The following ZNF875 variants were observed in gnomAD, a reference collection of about 807,000 sequenced individuals.
ZNF875 encodes the protein zinc finger protein 875.
In ZNF875, 14 loss-of-function variants were observed where a neutral mutation model predicts 11.2. That is an observed-to-expected ratio of 1.26 (90% confidence interval 0.83 to 1.96). ZNF875 has a LOEUF of 1.96. Ranked by LOEUF, ZNF875 falls within the 30% of genes most tolerant of loss-of-function variation. The pLI is 0.00. For missense variants in ZNF875, 752 were observed against 760.4 expected (o/e 0.99, Z 0.13); for synonymous variants, 301 against 281.1 (o/e 1.07, Z -0.71).
intron 3 of ZNF875, chr19:37,323,639 T>A (rs1308006865): frequency 1.3e-5 from 2 of 152,194 alleles, no homozygotes; most frequent in African/African-American, 4.8e-5. Context: ...GGTTTTGGGC[T>A]GCACGAGAGT....
intron 4 of ZNF875, among the ~76,000 whole-genome samples, chr19:37,353,987 T>C (rs1346343630): frequency 6.6e-6 from 1 of 152,138 alleles, no homozygotes; most frequent in Non-Finnish European, 1.5e-5. Context: ...TTTCCTCTCA[T>C]TCTAGGACTC....
At chr19:37,349,681 G>A (rs1377884557) in intron 4 of ZNF875, among the ~76,000 whole-genome samples, 3 of 151,952 alleles carry the variant, frequency 2.0e-5, no homozygotes, top group Non-Finnish European at 4.4e-5. Flanking sequence ...TTGAGATGGA[G>A]TCTTGCTCTG....
chr19:37,349,142 C>G (rs1265757177), intron 4 of ZNF875, among the ~76,000 whole-genome samples: 2 of 152,224 alleles, frequency 1.3e-5, no homozygotes, highest in East Asian at 1.9e-4. Context: ...GTGTGTGTGT[C>G]TCTGTGTCCA....
rs945511677 is a variant in ZNF875 at position 37,364,178 on chromosome 19, CGATT to C, written c.*407_*410del. On this transcript the variant is annotated 3_prime_UTR_variant, in exon 5 of 5. Coordinates refer to ENST00000392153, the MANE Select transcript of ZNF875 (RefSeq NM_001353803.2). ...TCTTCCCATTTGGTGTGCTTTCCTCCGATTGATCCCAACCCTTCACCTATTTTAC... is the reference window on the plus strand; with the variant it reads ...TCTTCCCATTTGGTGTGCTTTCCTCCGATCCCAACCCTTCACCTATTTTAC... The C allele has an allele frequency of 9.1e-5, 18 of 196,732 alleles. No homozygotes were observed. Among genetic ancestry groups the C allele is most frequent in the African/African-American group, 3.7e-4 (16 of 42,670 alleles). The allele number at this position is 196,732 out of a possible 1,614,324, so 12.2% of individuals were successfully genotyped here.
upstream of ZNF875, chr19:37,334,642 CAG>C (rs754505037): frequency 6.4e-5 from 29 of 455,666 alleles, no homozygotes; most frequent in Middle Eastern, 6.5e-4. Flanking sequence ...GCGTTGACGT[CAG>C]AAACACTTCC....
chr19:37,350,294 T>A (rs556374658), intron 4 of ZNF875, among the ~76,000 whole-genome samples: 2 of 151,826 alleles, frequency 1.3e-5, no homozygotes, highest in Admixed American at 6.6e-5. Context: ...GTATTTTTAG[T>A]GTTAGCCAGG....
chr19:37,343,100 A>G (rs1475045797), intron 2 of ZNF875, among the ~76,000 whole-genome samples: 1 of 152,126 alleles, frequency 6.6e-6, no homozygotes, highest in African/African-American at 2.4e-5. Context: ...ACACTTTGGG[A>G]GGCCGAGGCG....
chr19:37,325,315 C>G (rs974796928), intron 4 of ZNF875, among the ~76,000 whole-genome samples: 2 of 152,090 alleles, frequency 1.3e-5, no homozygotes, highest in Admixed American at 6.5e-5. Flanking sequence ...CCATCCACCT[C>G]TATTGTGGTT....
upstream of ZNF875, among the ~76,000 whole-genome samples, chr19:37,333,434 C>G (rs1391300882): frequency 6.6e-6 from 1 of 152,190 alleles, no homozygotes; most frequent in Non-Finnish European, 1.5e-5. Flanking sequence ...ATCCTCCTTC[C>G]TAAACACCCT....
At chr19:37,358,870 A>C (rs570736219) in intron 4 of ZNF875, among the ~76,000 whole-genome samples, 12 of 151,572 alleles carry the variant, frequency 7.9e-5, no homozygotes, top group African/African-American at 2.9e-4. Context: ...CATGCCATAA[A>C]ATTACTTATT....
At chr19:37,347,690 G>T in intron 3 of ZNF875, 87 bp from the exon 4 acceptor site, 3 of 827,122 alleles carry the variant, frequency 3.6e-6, no homozygotes, top group Middle Eastern at 2.2e-4. Context: ...TATCCTCTGG[G>T]TTTCCTCACC....
chr19:37,322,482 G>T (rs1445850125), intron 2 of ZNF875, among the ~76,000 whole-genome samples: 1 of 152,244 alleles, frequency 6.6e-6, no homozygotes, highest in Non-Finnish European at 1.5e-5. Flanking sequence ...TGTGGAAAGT[G>T]AGTTTCTTTG....
In ZNF875 at chr19:37,334,654, C is replaced by T. The variant is rs1455028677; in HGVS notation, c.-185C>T. 8.8e-6 allele frequency: 4 copies of T among 455,818 alleles called. No individual in the cohort carries two copies. The highest frequency in any genetic ancestry group is 3.2e-4 in the Middle Eastern group (1 of 3,092). 28.2% of individuals were successfully genotyped at this position (455,818 alleles called of 1,614,324 possible). On this transcript the variant is annotated 5_prime_UTR_variant, in exon 1 of 5. Transcript: ENST00000392153. The stretch of plus-strand genomic sequence containing the variant: ...GTAGCGTTGACGTCAGAAACACTTC[C>T]GGTCGGTGGCCCAGGCGCGTTAAGC...
intron 4 of ZNF875, among the ~76,000 whole-genome samples, chr19:37,355,880 C>A (rs545624002): frequency 1.3e-5 from 2 of 152,194 alleles, no homozygotes; most frequent in East Asian, 3.9e-4. Flanking sequence ...AACCTATCAC[C>A]CAAATAGTTT....
chr19:37,336,204 C>T (rs2034364788), intron 2 of ZNF875, among the ~76,000 whole-genome samples: 1 of 151,962 alleles, frequency 6.6e-6, no homozygotes, highest in African/African-American at 2.4e-5. Flanking sequence ...GAAGGCATTC[C>T]AGTGGGAGGC....
chr19:37,354,446 C>A (rs1176348351), intron 4 of ZNF875, among the ~76,000 whole-genome samples: 1 of 151,472 alleles, frequency 6.6e-6, no homozygotes, highest in Non-Finnish European at 1.5e-5. Flanking sequence ...TATATTTTAT[C>A]CAGTCTTATT....
intron 2 of ZNF875, among the ~76,000 whole-genome samples, chr19:37,344,362 G>A (rs574664304): frequency 6.6e-6 from 1 of 152,226 alleles, no homozygotes; most frequent in South Asian, 2.1e-4. Context: ...TGGGGACTGA[G>A]AATTTTTATT....
chr19:37,344,684 C>T, intron 2 of ZNF875: 4 of 1,613,672 alleles, frequency 2.5e-6, no homozygotes, highest in Non-Finnish European at 3.4e-6. Flanking sequence ...TGGAGTGAAT[C>T]ATGAGGGTCA....
chr19:37,317,672 A>G (rs138126987), upstream of ZNF875, among the ~76,000 whole-genome samples: 28 of 152,350 alleles, frequency 1.8e-4, no homozygotes, highest in African/African-American at 6.3e-4. Flanking sequence ...GAAATGCGCA[A>G]GAAAGTTTTT....
Sources: allele counts gnomAD v4.1 joint callset (sites outside exome capture counted in the v4.1 genomes callset), GRCh38; gene constraint gnomAD v4.1.1; transcripts MANE v1.5; gene names NCBI Gene and HGNC (gene_info 2026-07-23, HGNC 2026-07-21).